ANKRD33B: variants seen among roughly 807,000 people sequenced by gnomAD.
The protein encoded by ANKRD33B is ankyrin repeat domain-containing protein 33B.
In ANKRD33B, 6 loss-of-function variants were observed where a neutral mutation model predicts 21.5. That is an observed-to-expected ratio of 0.28 (90% CI 0.15 to 0.55). The LOEUF (loss-of-function observed/expected upper bound fraction) is 0.55. ANKRD33B is among the 20% of genes least tolerant of loss of function. The probability of loss-of-function intolerance (pLI) is 0.94; values close to 1 mark genes in which losing one functional copy is unlikely to be tolerated. For missense variants in ANKRD33B, 698 were observed against 747.2 expected, an observed-to-expected ratio of 0.93 and a Z score of 0.77; for synonymous variants, 347 against 342.4, an observed-to-expected ratio of 1.01 and a Z score of -0.15.
chr5:10,576,764 C>T lies in ANKRD33B; in HGVS notation c.366+11931C>T, dbSNP rs1735329718. ...AGTGGAAGCAAATTGAATGTTTAAC[C>T]AAAAGAAGAGTAGTTAAGAAAATAG... On this transcript the variant is annotated intron_variant, in intron 1 of 3. Coordinates refer to ENST00000296657, the MANE Select transcript of ANKRD33B (RefSeq NM_001164440.2). This position sits in a 1 kb window ranked among gnomAD's most constrained non-coding sequence, Gnocchi z 4.1. Among the ~76,000 whole-genome samples the T allele has an allele frequency of 6.6e-6, 1 of 152,168 alleles. No homozygotes were observed. Among genetic ancestry groups the T allele is most frequent in the Non-Finnish European group, 1.5e-5 (1 of 68,036 alleles).
intron 1 of ANKRD33B, among the ~76,000 whole-genome samples, chr5:10,613,204 G>A (rs925915285): frequency 3.3e-5 from 5 of 151,948 alleles, no homozygotes; most frequent in Non-Finnish European, 7.4e-5. Flanking sequence ...CGCAGCATCC[G>A]GCCCTCCTTT....
intron 1 of ANKRD33B, among the ~76,000 whole-genome samples, chr5:10,571,246 GGCTGGAGTGCA>G (rs1162836196): frequency 4.6e-5 from 7 of 152,226 alleles, no homozygotes; most frequent in African/African-American, 1.7e-4. Context: ...CTGTTGCCCA[GGCTGGAGTGCA>G]GTGGTGCGAT....
chr5:10,628,457 C>T (rs998415287), intron 2 of ANKRD33B, among the ~76,000 whole-genome samples: 9 of 152,138 alleles, frequency 5.9e-5, no homozygotes, highest in Admixed American at 5.9e-4. Flanking sequence ...GCTGGGATTA[C>T]AGGCGTGAAC....
intron 1 of ANKRD33B, among the ~76,000 whole-genome samples, chr5:10,599,449 G>T (rs530183277): frequency 1.3e-5 from 2 of 152,172 alleles, no homozygotes; most frequent in African/African-American, 4.8e-5. Context: ...TTTCCAAAAT[G>T]TTTTTATCAT....
At chr5:10,574,495 C>T (rs1038023476) in intron 1 of ANKRD33B, among the ~76,000 whole-genome samples, 4 of 151,478 alleles carry the variant, frequency 2.6e-5, no homozygotes, top group Non-Finnish European at 5.9e-5. Flanking sequence ...AAAAATATTA[C>T]ATATCAAAAT....
At chr5:10,641,726 C>G (rs533613520) in intron 3 of ANKRD33B, among the ~76,000 whole-genome samples, 1 of 151,922 alleles carries the variant, frequency 6.6e-6, no homozygotes, top group Admixed American at 6.6e-5. Context: ...ATTCTTTAGT[C>G]TTAGGAGATG....
At chr5:10,640,448 C>G (rs898694490) in intron 3 of ANKRD33B, among the ~76,000 whole-genome samples, 2 of 152,170 alleles carry the variant, frequency 1.3e-5, no homozygotes, top group Non-Finnish European at 2.9e-5. Flanking sequence ...AAGCTAAATG[C>G]CACACAACTA....
intron 1 of ANKRD33B, among the ~76,000 whole-genome samples, chr5:10,612,318 T>C (rs1191766620): frequency 6.6e-6 from 1 of 152,246 alleles, no homozygotes; most frequent in African/African-American, 2.4e-5. Context: ...TTCTGTTTCA[T>C]AGACAGCACC....
At chr5:10,638,538 A>G (rs1736929151) in intron 3 of ANKRD33B, among the ~76,000 whole-genome samples, 1 of 152,234 alleles carries the variant, frequency 6.6e-6, no homozygotes, top group Non-Finnish European at 1.5e-5. Flanking sequence ...AGGTGGGCGT[A>G]GGGATGGTGG....
At chr5:10,585,268 A>G (rs1735529042) in intron 1 of ANKRD33B, among the ~76,000 whole-genome samples, 3 of 152,322 alleles carry the variant, frequency 2.0e-5, no homozygotes, top group South Asian at 4.1e-4. Flanking sequence ...CGTCTCTTAC[A>G]TTGTGCTTAC....
At chr5:10,607,811 G>A (rs1405796645) in intron 1 of ANKRD33B, among the ~76,000 whole-genome samples, 4 of 152,204 alleles carry the variant, frequency 2.6e-5, no homozygotes, top group Admixed American at 6.5e-5. Flanking sequence ...TTGTTTTCCT[G>A]CTGGACTGTC....
intron 1 of ANKRD33B, among the ~76,000 whole-genome samples, chr5:10,608,574 A>G (rs1736101498): frequency 6.6e-6 from 1 of 152,010 alleles, no homozygotes. Context: ...AAAAGAATGG[A>G]TGTGTTCATA....
At chr5:10,605,249 C>T (rs1579729272) in intron 1 of ANKRD33B, among the ~76,000 whole-genome samples, 1 of 152,346 alleles carries the variant, frequency 6.6e-6, no homozygotes, top group Admixed American at 6.5e-5. Context: ...TTGGAAGGCA[C>T]ACACCATTAC....
At position 10,650,294 on chromosome 5, in the gene ANKRD33B, A is replaced by G. The variant is rs747924505; in HGVS notation, c.*181A>G. The G allele has an allele frequency of 4.4e-4, 265 of 608,540 alleles. 2 individuals carry two copies. Among genetic ancestry groups the G allele is most frequent in the Non-Finnish European group, 5.1e-4 (209 of 413,754 alleles). 37.7% of individuals were successfully genotyped at this position (608,540 alleles called of 1,614,324 possible). A position where few individuals can be genotyped will look rare whatever the true frequency, so the allele number is the denominator to read the frequency against. ...TCCAAGAGAGGGCTGAGGGAGCCAC[A>G]TGGATTCGCTTGTCGCCAGCCCTCC... On this transcript the variant is annotated 3_prime_UTR_variant, in exon 4 of 4. Transcript: ENST00000296657.
chr5:10,586,947 T>G (rs1015226204), intron 1 of ANKRD33B, among the ~76,000 whole-genome samples: 1 of 152,150 alleles, frequency 6.6e-6, no homozygotes, highest in African/African-American at 2.4e-5. Context: ...AGTGAAGTGT[T>G]GGGGGTATGT....
chr5:10,619,435 G>A lies in ANKRD33B; in HGVS notation c.496+973G>A. The A allele has an allele frequency of 1.0e-6, 1 of 960,838 alleles. No homozygotes were observed. Among genetic ancestry groups the A allele is most frequent in the African/African-American group, 1.8e-5 (1 of 56,798 alleles). 59.5% of individuals were successfully genotyped at this position (960,838 alleles called of 1,614,324 possible). A position where few individuals can be genotyped will look rare whatever the true frequency, so the allele number is the denominator to read the frequency against. On this transcript the variant is annotated intron_variant, in intron 2 of 3. Transcript: ENST00000296657. The surrounding 1 kb of genome is among the most constrained non-coding windows in gnomAD (Gnocchi z 4.5). ...GCTGTCACCAAAAGGAGACCTCCTT[G>A]TCCCTTGTTGCTTCACAAGCTCCTG...
intron 1 of ANKRD33B, among the ~76,000 whole-genome samples, chr5:10,601,281 C>A (rs968663260): frequency 6.6e-6 from 1 of 152,196 alleles, no homozygotes; most frequent in Non-Finnish European, 1.5e-5. Context: ...GGTTCTCCAC[C>A]AACTTTGGAT....
At chr5:10,636,856 T>C (rs1402847444) in intron 2 of ANKRD33B, among the ~76,000 whole-genome samples, 1 of 152,234 alleles carries the variant, frequency 6.6e-6, no homozygotes, top group Non-Finnish European at 1.5e-5. Flanking sequence ...GGTTCTCACC[T>C]GGGGTGTTCT....
chr5:10,603,977 C>T (rs908299908), intron 1 of ANKRD33B, among the ~76,000 whole-genome samples: 1 of 151,402 alleles, frequency 6.6e-6, no homozygotes, highest in South Asian at 2.1e-4. Flanking sequence ...TCACTATAAC[C>T]TCTGCCTCCT....
Sources: gnomAD v4.1 joint callset for allele counts (sites outside exome capture counted in the v4.1 genomes callset) on GRCh38, gnomAD v4.1.1 for gene constraint, Gnocchi (gnomAD v3.1) non-coding constraint, MANE v1.5 for transcripts, NCBI Gene and HGNC (gene_info 2026-07-23, HGNC 2026-07-21) for gene names.